The following CCDC33 variants were observed in gnomAD, a reference collection of about 807,000 sequenced individuals.
CCDC33 encodes coiled-coil domain-containing protein 33.
Under a neutral mutation model 91.9 loss-of-function variants are expected in CCDC33, and 94 were observed. The ratio of observed to expected loss-of-function variants is 1.02; its 90% CI spans 0.87 to 1.21. The LOEUF is 1.21. Ranked by LOEUF, CCDC33 falls within the 50% of genes most tolerant of loss-of-function variation. The probability of loss-of-function intolerance (pLI) is 0.00; values close to 1 mark genes in which losing one functional copy is unlikely to be tolerated. For synonymous variants in CCDC33, 396 were observed against 374.5 expected (o/e 1.06, Z -0.66); for missense variants, 940 against 935.5 (o/e 1.00, Z -0.06).
chr15:74,234,036 C>G (rs1159383913), upstream of CCDC33, among the ~76,000 whole-genome samples: 2 of 152,156 alleles, frequency 1.3e-5, no homozygotes, highest in African/African-American at 4.8e-5. Context: ...TCCTCAGACT[C>G]CAGGCCCCAG....
chr15:74,311,547 G>T (rs2059993789), intron 11 of CCDC33: 1 of 152,256 alleles, frequency 6.6e-6, no homozygotes, highest in African/African-American at 2.4e-5. Flanking sequence ...ACTCGTTGTA[G>T]TAAGGGGGAT....
intron 2 of CCDC33, among the ~76,000 whole-genome samples, chr15:74,221,875 G>T (rs906146632): frequency 6.6e-6 from 1 of 152,116 alleles, no homozygotes; most frequent in Non-Finnish European, 1.5e-5. Flanking sequence ...GCTGCCTCCT[G>T]TCACCTCTTG....
At chr15:74,209,522 G>A in exon 2 of CCDC33, 1 of 1,328,044 alleles carries the variant, frequency 7.5e-7, no homozygotes, top group South Asian at 1.3e-5. Flanking sequence ...GGGCTTCAGG[G>A]CTGGAATTCC....
At chr15:74,291,035 A>C (rs1194192376) in intron 10 of CCDC33, among the ~76,000 whole-genome samples, 2 of 152,112 alleles carry the variant, frequency 1.3e-5, no homozygotes, top group Non-Finnish European at 2.9e-5. Flanking sequence ...TCTGGCCTCA[A>C]AATGTGCTTT....
intron 11 of CCDC33, among the ~76,000 whole-genome samples, chr15:74,321,284 T>C (rs1201361836): frequency 6.6e-6 from 1 of 152,074 alleles, no homozygotes; most frequent in African/African-American, 2.4e-5. Context: ...GGAGTCTTGC[T>C]CTGTTGCCCA....
intron 1 of CCDC33, among the ~76,000 whole-genome samples, chr15:74,237,857 C>T (rs1333691649): frequency 1.3e-5 from 2 of 152,180 alleles, no homozygotes; most frequent in African/African-American, 4.8e-5. Context: ...TATAAGGATG[C>T]TCATCATGGC....
At chr15:74,236,868 C>A in intron 1 of CCDC33, 128 bp downstream of exon 1, 1 of 900,594 alleles carries the variant, frequency 1.1e-6, no homozygotes, top group Non-Finnish European at 1.7e-6. Flanking sequence ...GTTTTCACAG[C>A]TGTGAAATGG....
Position 74,244,821 on chromosome 15 carries a change from C to T in CCDC33, c.185+673C>T, listed in dbSNP as rs934036639. ...TCGCTGGGGACACTGAATATTTGCT[C>T]AATCTTTATTATAAAGCACCCTCCA... is the stretch of plus-strand genomic sequence containing the variant. On this transcript the variant is annotated intron_variant, in intron 2 of 18. Coordinates refer to ENST00000398814, the MANE Select transcript of CCDC33 (RefSeq NM_025055.5). The surrounding 1 kb of genome is among the most constrained non-coding windows in gnomAD (Gnocchi z 4.2). Among the ~76,000 whole-genome samples, 4 of 152,218 alleles carry T rather than the reference C, an allele frequency of 2.6e-5. No individual in the cohort carries two copies. The highest frequency in any genetic ancestry group is 6.5e-5 in the Admixed American group (1 of 15,288).
At chr15:74,271,835 C>A in intron 6 of CCDC33, 41 bp downstream of exon 6, 1 of 1,529,514 alleles carries the variant, frequency 6.5e-7, no homozygotes, top group Non-Finnish European at 9.0e-7. Context: ...GAGGGCAGAG[C>A]AGAGGGCAGA....
At chr15:74,297,964 C>T (rs955541656) in intron 11 of CCDC33, among the ~76,000 whole-genome samples, 34 of 152,200 alleles carry the variant, frequency 2.2e-4, no homozygotes, top group Non-Finnish European at 8.8e-5. Context: ...GCAGGAACCA[C>T]AAGCACCTCC....
At chr15:74,308,493 C>G (rs904316564) in intron 11 of CCDC33, among the ~76,000 whole-genome samples, 1 of 152,154 alleles carries the variant, frequency 6.6e-6, no homozygotes, top group Non-Finnish European at 1.5e-5. Context: ...CCAGAGCTGC[C>G]GTCCCCTCCT....
intron 10 of CCDC33, among the ~76,000 whole-genome samples, chr15:74,291,366 C>G (rs753089699): frequency 6.6e-6 from 1 of 152,228 alleles, no homozygotes; most frequent in Non-Finnish European, 1.5e-5. Flanking sequence ...GGCGAGACAC[C>G]CTTATCAGGG....
chr15:74,244,073 T>C lies in CCDC33; in HGVS notation c.110T>C (p.Ile37Thr). 1 of 1,613,968 alleles carries C rather than the reference T, an allele frequency of 6.2e-7. No individual in the cohort carries two copies. Among genetic ancestry groups the C allele is most frequent in the Non-Finnish European group, 8.5e-7 (1 of 1,179,962 alleles). Residue 37 changes from isoleucine to threonine, a missense_variant, in exon 2 of 19, where the codon ATC becomes ACC. Coordinates refer to ENST00000398814, the MANE Select transcript of CCDC33 (RefSeq NM_025055.5). This position sits in a 1 kb window ranked among gnomAD's most constrained non-coding sequence, Gnocchi z 4.2. ...GHLSPSKKETIMVTLHGATNL... is the reference protein window; with the variant it reads ...GHLSPSKKETTMVTLHGATNL... Reference sequence around the variant, plus strand: ...CTGTCTCCCTCTAAGAAGGAGACCATCATGGTCACCCTCCATGGGGCTACC... The same window carrying C: ...CTGTCTCCCTCTAAGAAGGAGACCACCATGGTCACCCTCCATGGGGCTACC...
In CCDC33 at chr15:74,208,902, A is replaced by T. The variant is rs142657944; in HGVS notation, n.90-486A>T. Reference sequence around the variant, plus strand: ...CCCTCCAGGCAAGCAGGGTGCTCCCAACACGGGGCCTTCTCCTCTGAGCCC... The same window carrying T: ...CCCTCCAGGCAAGCAGGGTGCTCCCTACACGGGGCCTTCTCCTCTGAGCCC... On this transcript the variant is annotated intron_variant and non_coding_transcript_variant, in intron 1 of 3. Coordinates refer to the CCDC33 transcript ENST00000558645. 3.4e-3 allele frequency: 3,372 copies of T among 989,928 alleles called. 4 individuals carry two copies. Among genetic ancestry groups the T allele is most frequent in the Non-Finnish European group, 3.9e-3 (3,223 of 833,330 alleles). 61.3% of individuals were successfully genotyped at this position (989,928 alleles called of 1,614,324 possible).
chr15:74,258,252 C>G (rs935615121), intron 2 of CCDC33, among the ~76,000 whole-genome samples: 9 of 152,192 alleles, frequency 5.9e-5, no homozygotes, highest in African/African-American at 2.2e-4. Flanking sequence ...GAACATCACT[C>G]TAGTCTCTCA....
At chr15:74,220,824 G>C (rs1276599995) in intron 2 of CCDC33, among the ~76,000 whole-genome samples, 1 of 152,176 alleles carries the variant, frequency 6.6e-6, no homozygotes, top group African/African-American at 2.4e-5. Context: ...GGAAGCACAA[G>C]GGAGCAGACA....
intron 2 of CCDC33, among the ~76,000 whole-genome samples, chr15:74,257,372 G>A (rs940355627): frequency 7.9e-5 from 12 of 152,162 alleles, no homozygotes; most frequent in African/African-American, 1.7e-4. Flanking sequence ...CTGGTGAAGC[G>A]GGGGCGAGAA....
chr15:74,207,570 C>CT (rs1442724047), intron 1 of CCDC33: 3 of 912,450 alleles, frequency 3.3e-6, no homozygotes, highest in Admixed American at 2.2e-5. Flanking sequence ...GCCCTTGACT[C>CT]TGAGTCCAGC....
intron 4 of CCDC33, 30 bp downstream of exon 4, chr15:74,266,817 A>G: frequency 6.5e-7 from 1 of 1,549,592 alleles, no homozygotes. Context: ...AAGTGCCGGG[A>G]GAGCAGGTGG....
Sources: gnomAD v4.1 joint callset for allele counts (sites outside exome capture counted in the v4.1 genomes callset) on GRCh38, gnomAD v4.1.1 for gene constraint, Gnocchi (gnomAD v3.1) non-coding constraint, MANE v1.5 for transcripts, NCBI Gene and HGNC (gene_info 2026-07-23, HGNC 2026-07-21) for gene names.